The following PPME1 variants were observed in gnomAD, a reference collection of about 807,000 sequenced individuals.
The protein encoded by PPME1 is testicular secretory protein Li 39.
Under a neutral mutation model 56.9 loss-of-function variants are expected in PPME1, and 17 were observed. The ratio of observed to expected loss-of-function variants is 0.30; its 90% CI spans 0.20 to 0.45. The LOEUF is 0.45. PPME1 is among the 20% of genes least tolerant of loss of function. The pLI is 1.00. For missense variants in PPME1, 357 were observed against 483.2 expected (o/e 0.74, Z 2.45); for synonymous variants, 122 against 156.2 (o/e 0.78, Z 1.63).
At chr11:74,209,995 G>A (rs1007230056) in intron 3 of PPME1, among the ~76,000 whole-genome samples, 3 of 152,118 alleles carry the variant, frequency 2.0e-5, no homozygotes, top group South Asian at 2.1e-4. Flanking sequence ...CCAGGAGTTC[G>A]AGGTTGTAGT....
intron 1 of PPME1, chr11:74,198,939 A>G (rs1423282067): frequency 6.6e-6 from 1 of 152,240 alleles, no homozygotes; most frequent in Non-Finnish European, 1.5e-5. Context: ...GAAAAAGAAC[A>G]TATATTCCCC....
At position 74,235,961 on chromosome 11, in the gene PPME1, C is replaced by T. The variant is rs761116808; in HGVS notation, c.705C>T (p.Val235=). ...CCCGTGTCTCAATGGTTGGCCAAGT[C>T]AAACAGTAGGTCTTACTCTTCCCCC... The part of the protein sequence containing the change: ...ESARVSMVGQ[V]KQCEGITSPE... Residue 235 remains valine (V), a synonymous_variant, in exon 8 of 14, where the codon GTC becomes GTT. Coordinates refer to ENST00000328257, the MANE Select transcript of PPME1 (RefSeq NM_016147.3). 48 of 1,612,068 alleles carry T rather than the reference C, an allele frequency of 3.0e-5. No individual in the cohort carries two copies. The highest frequency in any genetic ancestry group is 3.5e-5 in the Non-Finnish European group (41 of 1,179,258).
intron 3 of PPME1, among the ~76,000 whole-genome samples, chr11:74,214,894 A>T (rs940208270): frequency 6.6e-6 from 1 of 152,216 alleles, no homozygotes; most frequent in Non-Finnish European, 1.5e-5. Context: ...TACAAAACTC[A>T]TTGATAAGTA....
intron 9 of PPME1, among the ~76,000 whole-genome samples, chr11:74,241,203 A>ATAG (rs1859349989): frequency 6.6e-6 from 1 of 152,198 alleles, no homozygotes; most frequent in African/African-American, 2.4e-5. Context: ...AGATTTGCCT[A>ATAG]ATCTGGACAT....
Position 74,253,689 on chromosome 11 carries a change from C to T in PPME1, c.*179C>T, listed in dbSNP as rs1859762776. 4.3e-6 allele frequency: 3 copies of T among 704,018 alleles called. No homozygotes were observed. The highest frequency in any genetic ancestry group is 4.9e-6 in the Non-Finnish European group (2 of 410,520). The allele number at this position is 704,018 out of a possible 1,614,324, so 43.6% of individuals were successfully genotyped here. A position where few individuals can be genotyped will look rare whatever the true frequency, so the allele number is the denominator to read the frequency against. On this transcript the variant is annotated 3_prime_UTR_variant, in exon 14 of 14. Transcript: ENST00000328257. ...TGTATTCTGCCAAAAGCATTGTTTT[C>T]CAGGGCCCTTGACCAACATCGGCTT...
intron 3 of PPME1, chr11:74,205,331 C>T (rs1410727972): frequency 6.6e-6 from 1 of 152,156 alleles, no homozygotes; most frequent in Non-Finnish European, 1.5e-5. Context: ...TTCCTAATAC[C>T]TTTGACTCTG....
chr11:74,235,264 T>G (rs1053474233), intron 7 of PPME1, among the ~76,000 whole-genome samples: 4 of 152,210 alleles, frequency 2.6e-5, no homozygotes, highest in Non-Finnish European at 5.9e-5. Context: ...GTGAGAAGAC[T>G]AATTTATTCA....
chr11:74,190,138 T>C (rs1273001178), intron 1 of PPME1, among the ~76,000 whole-genome samples: 1 of 152,124 alleles, frequency 6.6e-6, no homozygotes, highest in African/African-American at 2.4e-5. Context: ...GGAAAAAAAT[T>C]TTTAGAAAGC....
chr11:74,180,755 A>G (rs1241742468), intron 1 of PPME1, among the ~76,000 whole-genome samples: 2 of 152,254 alleles, frequency 1.3e-5, no homozygotes, highest in East Asian at 3.8e-4. Flanking sequence ...ATTATAAGAC[A>G]GCAAATGTCA....
At chr11:74,183,476 A>T (rs1246125567) in intron 1 of PPME1, among the ~76,000 whole-genome samples, 2 of 152,170 alleles carry the variant, frequency 1.3e-5, no homozygotes, top group Non-Finnish European at 2.9e-5. Flanking sequence ...AATGGTCAGG[A>T]ATACCTTAAG....
At position 74,204,457 on chromosome 11, in the gene PPME1, G is replaced by T. The variant is rs1858270466; in HGVS notation, c.288+12G>T. 6.3e-7 allele frequency: 1 copy of T among 1,592,172 alleles called. No homozygotes were observed. The highest frequency in any genetic ancestry group is 1.1e-5 in the South Asian group (1 of 90,108). On this transcript the variant is annotated intron_variant, in intron 3 of 13. Transcript: ENST00000328257. ...GGGCTGTGTTCACGGTAAGTAGGTT[G>T]TTGATAGTACAAGTTAATGTTAGCA...
At chr11:74,202,266 G>A (rs988187451) in intron 1 of PPME1, among the ~76,000 whole-genome samples, 8 of 152,074 alleles carry the variant, frequency 5.3e-5, no homozygotes, top group African/African-American at 1.9e-4. Flanking sequence ...AATCCTCAGG[G>A]CTCAGGCCAT....
chr11:74,251,023 G>T lies in PPME1; in HGVS notation c.1074+5G>T. ...CATGAGGATGCCCCTGACAAGGTGA[G>T]TCTGGTGCTCAGTGACTGTAAAAGG... On this transcript the variant is annotated splice_donor_5th_base_variant and intron_variant, in intron 12 of 13. Coordinates refer to ENST00000328257, the MANE Select transcript of PPME1 (RefSeq NM_016147.3). The T allele has an allele frequency of 6.3e-7, 1 of 1,590,464 alleles. No homozygotes were observed. The highest frequency in any genetic ancestry group is 8.6e-7 in the Non-Finnish European group (1 of 1,168,044).
intron 3 of PPME1, among the ~76,000 whole-genome samples, chr11:74,220,294 A>C (rs1156435783): frequency 6.7e-6 from 1 of 149,180 alleles, no homozygotes; most frequent in Non-Finnish European, 1.5e-5. Context: ...ACAGAAGCAT[A>C]TTATTACTAC....
chr11:74,191,579 C>T (rs1270893715), intron 1 of PPME1, among the ~76,000 whole-genome samples: 1 of 152,128 alleles, frequency 6.6e-6, no homozygotes, highest in Non-Finnish European at 1.5e-5. Context: ...GTCCAGAGAC[C>T]TAGGAGGAGA....
intron 9 of PPME1, among the ~76,000 whole-genome samples, chr11:74,241,406 T>G (rs1368471283): frequency 6.6e-6 from 1 of 152,270 alleles, no homozygotes; most frequent in Non-Finnish European, 1.5e-5. Context: ...ACATTTGGGT[T>G]GTTTCCACTT....
intron 1 of PPME1, among the ~76,000 whole-genome samples, chr11:74,202,572 C>CA (rs1213746929): frequency 1.3e-5 from 2 of 152,108 alleles, no homozygotes; most frequent in Admixed American, 1.3e-4. Flanking sequence ...AGATGTCTGG[C>CA]AAGAGGTAAT....
At chr11:74,247,276 A>G (rs2135679445) in intron 11 of PPME1, among the ~76,000 whole-genome samples, 153 bp downstream of exon 11, 1 of 152,286 alleles carries the variant, frequency 6.6e-6, no homozygotes, top group African/African-American at 2.4e-5. Flanking sequence ...AACACACTAT[A>G]TGATTATGGG....
At chr11:74,201,092 C>T (rs1858150504) in intron 1 of PPME1, among the ~76,000 whole-genome samples, 1 of 152,030 alleles carries the variant, frequency 6.6e-6, no homozygotes, top group Admixed American at 6.6e-5. Context: ...TCTCCTGCCT[C>T]AGCCTCCTGA....
Sources: allele counts gnomAD v4.1 joint callset (sites outside exome capture counted in the v4.1 genomes callset), GRCh38; gene constraint gnomAD v4.1.1; transcripts MANE v1.5; gene names NCBI Gene and HGNC (gene_info 2026-07-23, HGNC 2026-07-21).